MKRN2: variants seen among roughly 807,000 people sequenced by gnomAD.
MKRN2 encodes makorin ring finger protein 2.
A neutral mutation model predicts 45.4 loss-of-function variants in MKRN2; 32 were observed. That is an observed-to-expected ratio of 0.70 (90% CI 0.53 to 0.95). The LOEUF is 0.95. Among genes scored for constraint, MKRN2 ranks in the 40% least tolerant of loss-of-function variants. The probability of loss-of-function intolerance (pLI) is 0.00; values close to 1 mark genes in which losing one functional copy is unlikely to be tolerated. For synonymous variants in MKRN2, 206 were observed against 192.4 expected, an observed-to-expected ratio of 1.07 and a Z score of -0.59; for missense variants, 526 against 536.7, an observed-to-expected ratio of 0.98 and a Z score of 0.20.
chr3:12,575,622 TG>T (rs1003557531), intron 5 of MKRN2, among the ~76,000 whole-genome samples: 34 of 152,242 alleles, frequency 2.2e-4, no homozygotes, highest in South Asian at 1.5e-3. Context: ...GAAACAGGCC[TG>T]GGGTGCGGGG....
chr3:12,568,720 A>G (rs532595825), intron 1 of MKRN2, among the ~76,000 whole-genome samples, 155 bp from the exon 2 acceptor site: 1 of 152,348 alleles, frequency 6.6e-6, no homozygotes, highest in African/African-American at 2.4e-5. Flanking sequence ...CTGTTGTAGA[A>G]TCAAGGAAAT....
intron 1 of MKRN2, chr3:12,560,635 G>A (rs1437918478): frequency 6.6e-6 from 1 of 152,278 alleles, no homozygotes; most frequent in African/African-American, 2.4e-5. Flanking sequence ...GCTGCTGGTG[G>A]TTCTGTGGCC....
Position 12,570,065 on chromosome 3 carries a change from G to A in MKRN2, c.156-6G>A. On this transcript the variant is annotated splice_region_variant and splice_polypyrimidine_tract_variant and intron_variant, in intron 2 of 7. Transcript: ENST00000170447. ...CTGTAATGCATCTGCTGTGTGTTTTGTTTAGATATGACCACACGAGGCCCT... is the reference window on the plus strand; with the variant it reads ...CTGTAATGCATCTGCTGTGTGTTTTATTTAGATATGACCACACGAGGCCCT... The A allele has an allele frequency of 2.5e-6, 4 of 1,602,588 alleles. No individual in the cohort carries two copies. Among genetic ancestry groups the A allele is most frequent in the Non-Finnish European group, 3.4e-6 (4 of 1,175,468 alleles).
At chr3:12,566,102 C>T (rs1179354639) in intron 1 of MKRN2, among the ~76,000 whole-genome samples, 1 of 152,164 alleles carries the variant, frequency 6.6e-6, no homozygotes, top group East Asian at 1.9e-4. Context: ...AGTCCTCACA[C>T]CTTGGCCTCC....
chr3:12,566,123 G>T (rs1164441188), intron 1 of MKRN2, among the ~76,000 whole-genome samples: 2 of 152,128 alleles, frequency 1.3e-5, no homozygotes, highest in Admixed American at 1.3e-4. Context: ...TGAAGTGGTG[G>T]GATTACGGGC....
intron 3 of MKRN2, among the ~76,000 whole-genome samples, chr3:12,570,520 T>G (rs1326758752): frequency 6.6e-6 from 1 of 152,140 alleles, no homozygotes; most frequent in Non-Finnish European, 1.5e-5. Flanking sequence ...TGTCAACATG[T>G]AACTTCCATC....
intron 1 of MKRN2, among the ~76,000 whole-genome samples, chr3:12,563,558 C>T (rs1312738516): frequency 8.2e-5 from 12 of 146,436 alleles, no homozygotes; most frequent in Non-Finnish European, 1.2e-4. Flanking sequence ...GGCACGATCT[C>T]GGCTCACTGC....
chr3:12,574,051 A>G lies in MKRN2; in HGVS notation c.643-741A>G, dbSNP rs576121285. 1.8e-3 allele frequency among the ~76,000 whole-genome samples: 275 copies of G among 152,304 alleles called. 2 individuals carry two copies. The highest frequency in any genetic ancestry group is 5.4e-3 in the Admixed American group (83 of 15,294). On this transcript the variant is annotated intron_variant, in intron 4 of 7. Coordinates refer to ENST00000170447, the MANE Select transcript of MKRN2 (RefSeq NM_014160.5). The stretch of plus-strand genomic sequence containing the variant: ...ACTGCACCTGGCCTAAGGCATGTTT[A>G]AATGGACAGCGTATTCCTAGATAAT...
rs2058201898 is a variant in MKRN2, at chr3:12,583,304, T to TTATC, written c.*1054_*1057dup. On this transcript the variant is annotated 3_prime_UTR_variant, in exon 8 of 8. Transcript: ENST00000170447. ...GCACTAGCTTGTTCCAAGCTGGAAT[T>TTATC]TATCTAATCTATTTTTGTGTTTAAA... 1.3e-5 allele frequency: 2 copies of TTATC among 154,064 alleles called. No individual in the cohort carries two copies. The highest frequency in any genetic ancestry group is 4.8e-5 in the African/African-American group (2 of 41,632). 9.5% of individuals were successfully genotyped at this position (154,064 alleles called of 1,614,324 possible).
At chr3:12,575,305 G>C (rs1018544734) in intron 5 of MKRN2, among the ~76,000 whole-genome samples, 1 of 152,180 alleles carries the variant, frequency 6.6e-6, no homozygotes. Context: ...CCTTGTGTTT[G>C]AAATCCAGTA....
chr3:12,564,589 C>G (rs1017766439), intron 1 of MKRN2, among the ~76,000 whole-genome samples: 30 of 152,154 alleles, frequency 2.0e-4, no homozygotes, highest in Non-Finnish European at 3.7e-4. Context: ...ATTGTCCCTT[C>G]CCTTTTTTCT....
chr3:12,577,771 G>A (rs1173351510), intron 6 of MKRN2, among the ~76,000 whole-genome samples: 1 of 151,994 alleles, frequency 6.6e-6, no homozygotes, highest in Non-Finnish European at 1.5e-5. Flanking sequence ...TGCCTCTCGG[G>A]TTCAAGCGAT....
chr3:12,562,589 TTTAGGAA>T (rs2058045063), intron 1 of MKRN2, among the ~76,000 whole-genome samples: 1 of 152,126 alleles, frequency 6.6e-6, no homozygotes, highest in Non-Finnish European at 1.5e-5. Flanking sequence ...TCTATGGCCT[TTTAGGAA>T]CCAGGCCACA....
At chr3:12,572,565 A>G (rs960494414) in intron 4 of MKRN2, among the ~76,000 whole-genome samples, 192 bp downstream of exon 4, 1 of 151,684 alleles carries the variant, frequency 6.6e-6, no homozygotes. Context: ...TCCTGTTTTC[A>G]GGTTCTTTTT....
rs2058084593 is a variant in MKRN2 at position 12,569,138 on chromosome 3, G to A, written c.155+135G>A. 3 of 1,103,640 alleles carry A rather than the reference G, an allele frequency of 2.7e-6. No homozygotes were observed. The African/African-American group carries it at 4.8e-5, about 18-fold the overall frequency. 68.4% of individuals were successfully genotyped at this position (1,103,640 alleles called of 1,614,324 possible). ...TATGGCAAATAAGTTTAAAACCTCA[G>A]TTTCAGTACCCTAAAACTAATTTTC... On this transcript the variant is annotated intron_variant, in intron 2 of 7. Coordinates refer to ENST00000170447, the MANE Select transcript of MKRN2 (RefSeq NM_014160.5).
intron 1 of MKRN2, among the ~76,000 whole-genome samples, chr3:12,563,417 C>G (rs919413798): frequency 6.6e-6 from 1 of 151,708 alleles, no homozygotes; most frequent in Admixed American, 6.6e-5. Context: ...CTGGAGACAC[C>G]AGCAGTCTGG....
chr3:12,571,686 T>C lies in MKRN2; in HGVS notation c.338-383T>C, dbSNP rs148580864. 7.2e-3 allele frequency among the ~76,000 whole-genome samples: 1,102 copies of C among 152,332 alleles called. 13 individuals carry two copies. Among genetic ancestry groups the C allele is most frequent in the African/African-American group, 0.025 (1,045 of 41,562 alleles). On this transcript the variant is annotated intron_variant, in intron 3 of 7. Transcript: ENST00000170447. The stretch of plus-strand genomic sequence containing the variant: ...TAAAATGATTTTACCTTTGCTGGTA[T>C]GAAGGAAACACTGTGTTCTAGTGCT...
In MKRN2 at chr3:12,582,387, T is replaced by A; in HGVS notation, c.*134T>A. Reference sequence around the variant, plus strand: ...TGAGTGGAGTTGGGCTTAGCCTTAGTCTCATTCAATCTCCATTATTACAGC... The same window carrying A: ...TGAGTGGAGTTGGGCTTAGCCTTAGACTCATTCAATCTCCATTATTACAGC... On this transcript the variant is annotated 3_prime_UTR_variant, in exon 8 of 8. Transcript: ENST00000170447. The A allele has an allele frequency of 9.6e-7, 1 of 1,041,948 alleles. No individual in the cohort carries two copies. The highest frequency in any genetic ancestry group is 1.4e-6 in the Non-Finnish European group (1 of 708,178). 64.5% of individuals were successfully genotyped at this position (1,041,948 alleles called of 1,614,324 possible).
At chr3:12,567,064 AGGTCACATT>A (rs2058072437) in intron 1 of MKRN2, among the ~76,000 whole-genome samples, 1 of 152,132 alleles carries the variant, frequency 6.6e-6, no homozygotes, top group Non-Finnish European at 1.5e-5. Context: ...TCCTGGTTAT[AGGTCACATT>A]ATTTTCTGCT....
Sources: allele counts gnomAD v4.1 joint callset (sites outside exome capture counted in the v4.1 genomes callset), GRCh38; gene constraint gnomAD v4.1.1; transcripts MANE v1.5; gene names NCBI Gene and HGNC (gene_info 2026-07-23, HGNC 2026-07-21).